Variants in KIF26A observed in about 807,000 individuals in gnomAD.
KIF26A encodes kinesin-like protein KIF26A.
KIF26A carries 74 observed loss-of-function variants against 126.0 expected under a neutral mutation model. That is an observed-to-expected ratio of 0.59 (90% CI 0.49 to 0.71). KIF26A has a LOEUF of 0.71. Among genes scored for constraint, KIF26A ranks in the 30% least tolerant of loss-of-function variants. The pLI is 0.00. For missense variants in KIF26A, 2,984 were observed against 2,763.3 expected, an observed-to-expected ratio of 1.08 and a Z score of -1.79; for synonymous variants, 1,445 against 1,232.7, an observed-to-expected ratio of 1.17 and a Z score of -3.61.
At chr14:104,157,639 C>T in intron 3 of KIF26A, 116 bp from the exon 4 acceptor site, 1 of 1,157,584 alleles carries the variant, frequency 8.6e-7, no homozygotes, top group South Asian at 1.6e-5. Flanking sequence ...GTGCAGAGCC[C>T]CCAGGAATGT....
intron 4 of KIF26A, among the ~76,000 whole-genome samples, chr14:104,161,224 G>T (rs1365001283): frequency 6.6e-6 from 1 of 152,006 alleles, no homozygotes; most frequent in East Asian, 1.9e-4. Flanking sequence ...CAGGTCTGCA[G>T]GACCCAGCTG....
At chr14:104,161,385 T>A (rs975328205) in intron 4 of KIF26A, among the ~76,000 whole-genome samples, 1 of 152,202 alleles carries the variant, frequency 6.6e-6, no homozygotes, top group Non-Finnish European at 1.5e-5. Flanking sequence ...CATAAGTGAT[T>A]CCTGCACGCG....
intron 5 of KIF26A, among the ~76,000 whole-genome samples, chr14:104,167,851 C>T (rs1157297796): frequency 6.6e-6 from 1 of 152,190 alleles, no homozygotes. Context: ...GAAAGCACTG[C>T]CTGGTGCCTC....
intron 4 of KIF26A, among the ~76,000 whole-genome samples, chr14:104,160,230 C>G (rs866265247): frequency 1.3e-5 from 2 of 152,124 alleles, no homozygotes; most frequent in Non-Finnish European, 2.9e-5. Flanking sequence ...GCAGCATTGC[C>G]AAGTGGAGAC....
Position 104,176,409 on chromosome 14 carries a change from C to T in KIF26A, c.3621C>T (p.His1207=). ...SRWASAAQTI[H]SSLPRKPRTA... is the part of the protein sequence containing the mutation. The stretch of plus-strand genomic sequence containing the variant: ...GGGCATCCGCAGCCCAGACCATCCA[C>T]TCCAGCCTCCCCCGGAAACCGAGGA... The change falls in exon 12 of 15, where the codon CAC becomes CAT. Residue 1207 remains histidine (H), a synonymous_variant. Transcript: ENST00000423312. 3 of 1,592,680 alleles carry T rather than the reference C, an allele frequency of 1.9e-6. No homozygotes were observed. The highest frequency in any genetic ancestry group is 2.6e-6 in the Non-Finnish European group (3 of 1,166,442).
Position 104,173,781 on chromosome 14 carries a change from C to G in KIF26A, c.1943C>G (p.Ala648Gly), listed in dbSNP as rs1194841995. The G allele has an allele frequency of 1.2e-6, 2 of 1,607,620 alleles. No individual in the cohort carries two copies. The highest frequency in any genetic ancestry group is 4.5e-5 in the East Asian group (2 of 44,878). Residue 648 changes from alanine to glycine, a missense_variant, in exon 10 of 15, where the codon GCT becomes GGT. Ala to Gly is a moderately conservative substitution (Grantham distance 60). Coordinates refer to ENST00000423312, the MANE Select transcript of KIF26A (RefSeq NM_015656.2). Reference protein sequence around the residue: ...CEAAAGRAGEAAGGPLCLSLS... With the variant: ...CEAAAGRAGEGAGGPLCLSLS... ...GCGGCGGCTGGCAGGGCCGGGGAGG[C>G]TGCTGGGGGTCCCCTGTGTCTGTCC... is the stretch of plus-strand genomic sequence containing the variant.
chr14:104,142,924 A>C (rs1310685998), intron 2 of KIF26A, among the ~76,000 whole-genome samples: 1 of 152,192 alleles, frequency 6.6e-6, no homozygotes, highest in African/African-American at 2.4e-5. Flanking sequence ...TCCGCCCCTC[A>C]AAATGACAGT....
rs1003782115 is a variant in KIF26A at position 104,148,511 on chromosome 14, G to C, written c.289-3504G>C. Among the ~76,000 whole-genome samples, 1 of 152,120 alleles carries C rather than the reference G, an allele frequency of 6.6e-6. No homozygotes were observed. Among genetic ancestry groups the C allele is most frequent in the Admixed American group, 6.5e-5 (1 of 15,292 alleles). ...AAATTGGGGGGCAGTAACCCGTTGG[G>C]GGCTTGGGCCAGAGGACCCCGTGAG... On this transcript the variant is annotated intron_variant, in intron 2 of 14. Coordinates refer to ENST00000423312, the MANE Select transcript of KIF26A (RefSeq NM_015656.2). This position sits in a 1 kb window ranked among gnomAD's most constrained non-coding sequence, Gnocchi z 4.3.
chr14:104,159,766 C>T lies in KIF26A; in HGVS notation c.923+1824C>T, dbSNP rs968641805. On this transcript the variant is annotated intron_variant, in intron 4 of 14. Coordinates refer to ENST00000423312, the MANE Select transcript of KIF26A (RefSeq NM_015656.2). ...TGGCAGGTCGTGGTTCAGGTTGTGGCGGGGGACATCCTGGCAGGTGGGCCC... is the reference window on the plus strand; with the variant it reads ...TGGCAGGTCGTGGTTCAGGTTGTGGTGGGGGACATCCTGGCAGGTGGGCCC... Among the ~76,000 whole-genome samples, 7 of 152,222 alleles carry T rather than the reference C, an allele frequency of 4.6e-5. No individual in the cohort carries two copies. The East Asian group carries it at 7.7e-4, about 17-fold the overall frequency.
At chr14:104,169,539 C>T (rs1318203550) in intron 5 of KIF26A, among the ~76,000 whole-genome samples, 2 of 152,234 alleles carry the variant, frequency 1.3e-5, no homozygotes, top group African/African-American at 4.8e-5. Flanking sequence ...GCCCCTCCAC[C>T]CTGCACACCC....
chr14:104,176,027 A>G lies in KIF26A; in HGVS notation c.3239A>G (p.Asn1080Ser), dbSNP rs780200552. The change falls in exon 12 of 15, where the codon AAT (asparagine) becomes AGT (serine). Residue 1080 changes from asparagine (N) to serine (S), a missense_variant. Transcript: ENST00000423312. ...SRPVSIISSI[N>S]DEFDAYTSQA... ...CCAGTCAGCATCATCAGCAGCATCA[A>G]TGATGAGTTTGACGCCTACACCTCT... 5.0e-6 allele frequency: 8 copies of G among 1,594,150 alleles called. No homozygotes were observed. Among genetic ancestry groups the G allele is most frequent in the Admixed American group, 3.4e-5 (2 of 59,002 alleles).
chr14:104,156,394 C>T (rs979701933), intron 3 of KIF26A, among the ~76,000 whole-genome samples: 2 of 152,156 alleles, frequency 1.3e-5, no homozygotes, highest in African/African-American at 4.8e-5. Context: ...GGCGCAATGT[C>T]CAGTGAGCTG....
chr14:104,175,805 G>T lies in KIF26A; in HGVS notation c.3017G>T (p.Ser1006Ile). ...GATCPRLAAG[S>I]RCPERGLLTT... is the part of the protein sequence containing the mutation. ...ACCTGCCCCCGCCTGGCTGCTGGCAGTCGCTGTCCGGAGCGGGGCCTGCTC... is the reference window on the plus strand; with the variant it reads ...ACCTGCCCCCGCCTGGCTGCTGGCATTCGCTGTCCGGAGCGGGGCCTGCTC... Residue 1006 changes from serine (S) to isoleucine (I), a missense_variant, in exon 12 of 15, where the codon AGT (serine) becomes ATT (isoleucine). Physicochemically the swap from Ser to Ile is moderately radical, Grantham distance 142 (BLOSUM62 -2). Coordinates refer to ENST00000423312, the MANE Select transcript of KIF26A (RefSeq NM_015656.2). 6.5e-7 allele frequency: 1 copy of T among 1,539,400 alleles called. No homozygotes were observed. Among genetic ancestry groups the T allele is most frequent in the Non-Finnish European group, 8.7e-7 (1 of 1,146,924 alleles).
rs186020493 is a variant in KIF26A at position 104,176,342 on chromosome 14, C to T, written c.3554C>T (p.Pro1185Leu). Residue 1185 changes from proline (P) to leucine (L), a missense_variant, in exon 12 of 15, where the codon CCA (proline) becomes CTA (leucine). Pro to Leu is a moderately conservative substitution (Grantham distance 98). Transcript: ENST00000423312. ...CCTGGGGAAGTGGCTGCAGTGGCCCCATCCCGACCCGGCAGGGAGCCCCAG... is the reference window on the plus strand; with the variant it reads ...CCTGGGGAAGTGGCTGCAGTGGCCCTATCCCGACCCGGCAGGGAGCCCCAG... ...PCPGEVAAVA[P>L]SRPGREPQAG... 5.7e-6 allele frequency: 9 copies of T among 1,582,644 alleles called. No individual in the cohort carries two copies. The highest frequency in any genetic ancestry group is 1.7e-6 in the Non-Finnish European group (2 of 1,161,240).
At chr14:104,166,178 G>GCAGGAGCCA (rs11281316) in intron 4 of KIF26A, among the ~76,000 whole-genome samples, 12,273 of 138,558 alleles carry the variant, frequency 0.089, 575 homozygotes, top group Non-Finnish European at 0.11. Context: ...GACGAGGGTG[G>GCAGGAGCCA]CAGGGGCCCA....
chr14:104,139,360 G>GA (rs1310875045), intron 2 of KIF26A, 72 bp downstream of exon 2: 2 of 1,369,332 alleles, frequency 1.5e-6, no homozygotes, highest in Non-Finnish European at 1.9e-6. Context: ...TTGGGGCTTG[G>GA]AGGGAAGCAG....
Position 104,176,865 on chromosome 14 carries a change from G to T in KIF26A, c.4077G>T (p.Ala1359=), listed in dbSNP as rs770601080. The T allele has an allele frequency of 3.2e-6, 5 of 1,542,150 alleles. No individual in the cohort carries two copies. The highest frequency in any genetic ancestry group is 3.8e-4 in the Middle Eastern group (2 of 5,206). Residue 1359 remains alanine, a synonymous_variant, in exon 12 of 15, where the codon GCG becomes GCT. Coordinates refer to ENST00000423312, the MANE Select transcript of KIF26A (RefSeq NM_015656.2). ...KAGFLPRPSG[A]APPAPPTRKS... The stretch of plus-strand genomic sequence containing the variant: ...GCTTCCTCCCGAGGCCCAGTGGGGC[G>T]GCCCCCCCGGCCCCACCCACGCGGA...
intron 14 of KIF26A, 35 bp downstream of exon 14, chr14:104,179,421 C>CT (rs71129211): frequency 2.7e-6 from 4 of 1,469,538 alleles, no homozygotes; most frequent in Non-Finnish European, 3.6e-6. Flanking sequence ...CAGCCCGGCC[C>CT]ACCGTGTGCC....
intron 2 of KIF26A, among the ~76,000 whole-genome samples, chr14:104,145,799 C>T (rs1488161568): frequency 2.0e-5 from 3 of 152,212 alleles, no homozygotes; most frequent in Non-Finnish European, 4.4e-5. Flanking sequence ...GCCGCTTGAC[C>T]TAGCCTGTGG....
Sources: allele counts gnomAD v4.1 joint callset (sites outside exome capture counted in the v4.1 genomes callset), GRCh38; gene constraint gnomAD v4.1.1; non-coding constraint Gnocchi (gnomAD v3.1); transcripts MANE v1.5; gene names NCBI Gene and HGNC (gene_info 2026-07-23, HGNC 2026-07-21).